ZNF536: variants seen among roughly 807,000 people sequenced by gnomAD.
The protein encoded by ZNF536 is zinc finger protein 536.
ZNF536 carries 13 observed loss-of-function variants against 84.5 expected under a neutral mutation model. The observed-to-expected ratio is 0.15, with a 90% CI of 0.10 to 0.24. ZNF536 has a LOEUF of 0.24. ZNF536 is among the 10% of genes least tolerant of loss of function. The probability of loss-of-function intolerance (pLI) is 1.00; values close to 1 mark genes in which losing one functional copy is unlikely to be tolerated. For synonymous variants in ZNF536, 811 were observed against 742.5 expected (o/e 1.09, Z -1.50); for missense variants, 1,536 against 1,747.5 (o/e 0.88, Z 2.16).
chr19:30,232,862 G>A (rs776819765), intron 1 of ZNF536, among the ~76,000 whole-genome samples: 14 of 152,182 alleles, frequency 9.2e-5, no homozygotes, highest in Non-Finnish European at 1.8e-4. Context: ...GATGCCAGTA[G>A]CACCCCCCAG....
chr19:30,438,869 TG>T (rs1568427908), intron 1 of ZNF536, among the ~76,000 whole-genome samples: 1 of 151,930 alleles, frequency 6.6e-6, no homozygotes, highest in African/African-American at 2.4e-5. Flanking sequence ...TTAGTAGAGA[TG>T]GGGCTTTGCC....
chr19:30,403,115 A>C (rs888797690), intron 1 of ZNF536, among the ~76,000 whole-genome samples: 2 of 152,124 alleles, frequency 1.3e-5, no homozygotes, highest in Non-Finnish European at 2.9e-5. Context: ...GACGAGCTGC[A>C]CTTTGAGATG....
intron 2 of ZNF536, among the ~76,000 whole-genome samples, chr19:30,516,241 A>T (rs2145618538): frequency 6.6e-6 from 1 of 152,264 alleles, no homozygotes. Context: ...AGATGCAAAC[A>T]TCAGCCAGGA....
chr19:30,500,584 T>C (rs767487678), intron 2 of ZNF536, among the ~76,000 whole-genome samples: 4 of 151,738 alleles, frequency 2.6e-5, no homozygotes, highest in Non-Finnish European at 5.9e-5. Flanking sequence ...CCAGGCTTGC[T>C]CCTGGTTCTA....
At chr19:30,412,404 G>T (rs1489222877) in intron 1 of ZNF536, among the ~76,000 whole-genome samples, 1 of 125,070 alleles carries the variant, frequency 8.0e-6, no homozygotes, top group East Asian at 2.1e-4. Context: ...AAGTGATCTT[G>T]GGATGTTGTT....
chr19:30,470,470 GTT>G (rs34028638), intron 2 of ZNF536, among the ~76,000 whole-genome samples: 20,799 of 143,184 alleles, frequency 0.15, 2,604 homozygotes, highest in African/African-American at 0.34. Context: ...ATTACATTTA[GTT>G]TTTTTTTTTT....
intron 2 of ZNF536, among the ~76,000 whole-genome samples, chr19:30,327,074 C>T (rs916844924): frequency 6.6e-6 from 1 of 151,998 alleles, no homozygotes; most frequent in African/African-American, 2.4e-5. Flanking sequence ...GCCTTGATTG[C>T]ACCACTGCAC....
rs1012941017 is a variant in ZNF536 at position 30,539,667 on chromosome 19, G to A, written c.2323+4668G>A. Among the ~76,000 whole-genome samples, 4 of 152,134 alleles carry A rather than the reference G, an allele frequency of 2.6e-5. No homozygotes were observed. In the South Asian group the frequency reaches 8.3e-4, roughly 32 times the overall value. On this transcript the variant is annotated intron_variant, in intron 3 of 4. Transcript: ENST00000355537. ...CACCCATGCCATTCTTTTCCTCCAT[G>A]TCCCCTCCCTGTGCACTACCTTGGG...
In ZNF536 at chr19:30,491,874, G is replaced by A. The variant is rs577891473; in HGVS notation, c.2171-42973G>A. Among the ~76,000 whole-genome samples the A allele has an allele frequency of 9.9e-5, 15 of 150,856 alleles. No homozygotes were observed. The South Asian group carries it at 1.7e-3, about 17-fold the overall frequency. On this transcript the variant is annotated intron_variant, in intron 2 of 4. Coordinates refer to ENST00000355537, the MANE Select transcript of ZNF536 (RefSeq NM_014717.3). ...AGTGTTCCTCAAAGATATACAAGAC[G>A]TTACTCCTGATAAAATCCCGTTAGC...
At chr19:30,288,669 T>A (rs1221377593) in intron 2 of ZNF536, among the ~76,000 whole-genome samples, 11 of 152,238 alleles carry the variant, frequency 7.2e-5, no homozygotes, top group Non-Finnish European at 1.5e-4. Context: ...TCAGTAGCTG[T>A]CTGACCCAGT....
intron 1 of ZNF536, among the ~76,000 whole-genome samples, chr19:30,662,958 G>A (rs972813846): frequency 9.1e-6 from 1 of 109,516 alleles, no homozygotes; most frequent in Non-Finnish European, 1.9e-5. Flanking sequence ...TTTCTTTTTC[G>A]TTTCTTTTTT....
intron 1 of ZNF536, among the ~76,000 whole-genome samples, chr19:30,281,092 G>GC (rs1445322395): frequency 6.6e-6 from 1 of 152,046 alleles, no homozygotes; most frequent in Non-Finnish European, 1.5e-5. Flanking sequence ...CTTGGTTGGT[G>GC]CCCCCCATAT....
intron 2 of ZNF536, among the ~76,000 whole-genome samples, chr19:30,289,499 G>C (rs965623863): frequency 6.6e-6 from 1 of 152,128 alleles, no homozygotes; most frequent in Non-Finnish European, 1.5e-5. Context: ...GGACCACCCC[G>C]GGGGCCCCCG....
At chr19:30,361,659 T>TTC (rs1377083022) in intron 3 of ZNF536, among the ~76,000 whole-genome samples, 1 of 152,142 alleles carries the variant, frequency 6.6e-6, no homozygotes, top group Non-Finnish European at 1.5e-5. Flanking sequence ...GAAATGCCAC[T>TTC]TCTCTCTGGG....
intron 2 of ZNF536, among the ~76,000 whole-genome samples, chr19:30,343,472 C>A (rs1205969004): frequency 6.6e-6 from 1 of 152,110 alleles, no homozygotes; most frequent in Non-Finnish European, 1.5e-5. Context: ...AGTTGAGGGG[C>A]CTTGACCTGG....
chr19:30,315,258 C>A (rs7252608), intron 2 of ZNF536, among the ~76,000 whole-genome samples: 37,034 of 152,078 alleles, frequency 0.24, 6,470 homozygotes, highest in African/African-American at 0.47. Flanking sequence ...CAATGTGAGT[C>A]ACACTTAAGG....
At chr19:30,646,397 C>T (rs1013717258) in intron 1 of ZNF536, among the ~76,000 whole-genome samples, 2 of 152,198 alleles carry the variant, frequency 1.3e-5, no homozygotes, top group East Asian at 1.9e-4. Context: ...TCTAGGAGCA[C>T]GAATGTGCAC....
intron 1 of ZNF536, among the ~76,000 whole-genome samples, chr19:30,245,030 C>T (rs1402168535): frequency 3.3e-5 from 5 of 152,126 alleles, no homozygotes; most frequent in Non-Finnish European, 4.4e-5. Flanking sequence ...CCTAGCTGTC[C>T]CCATCTGCCA....
chr19:30,705,352 T>A (rs2052181182), intron 1 of ZNF536, among the ~76,000 whole-genome samples: 1 of 151,780 alleles, frequency 6.6e-6, no homozygotes, highest in Non-Finnish European at 1.5e-5. Flanking sequence ...AACAATATTA[T>A]GGATATAGAA....
Sources: allele counts gnomAD v4.1 joint callset (sites outside exome capture counted in the v4.1 genomes callset), GRCh38; gene constraint gnomAD v4.1.1; transcripts MANE v1.5; gene names NCBI Gene and HGNC (gene_info 2026-07-23, HGNC 2026-07-21).